Variants in ZNF804B observed in about 807,000 individuals in gnomAD.
ZNF804B encodes the protein zinc finger 804B.
Under a neutral mutation model 101.4 loss-of-function variants are expected in ZNF804B, and 80 were observed. The ratio of observed to expected loss-of-function variants is 0.79; its 90% CI spans 0.66 to 0.95. The LOEUF (loss-of-function observed/expected upper bound fraction) is 0.95. ZNF804B is among the 40% of genes least tolerant of loss of function. ZNF804B has a pLI of 0.00. For synonymous variants in ZNF804B, 622 were observed against 558.8 expected (o/e 1.11, Z -1.59); for missense variants, 1,673 against 1,561.9 (o/e 1.07, Z -1.20).
chr7:89,238,631 A>G (rs1465487508), intron 2 of ZNF804B, among the ~76,000 whole-genome samples: 1 of 152,250 alleles, frequency 6.6e-6, no homozygotes, highest in Non-Finnish European at 1.5e-5. Context: ...GAGAATCTCT[A>G]TAAACTGAAC....
chr7:88,919,035 A>G (rs1396361966), intron 1 of ZNF804B, among the ~76,000 whole-genome samples: 1 of 152,086 alleles, frequency 6.6e-6, no homozygotes, highest in East Asian at 1.9e-4. Flanking sequence ...GAGTGTTTAT[A>G]CTGCTCAGTT....
At chr7:88,879,299 G>C (rs1001931999) in intron 1 of ZNF804B, among the ~76,000 whole-genome samples, 5 of 152,100 alleles carry the variant, frequency 3.3e-5, no homozygotes, top group African/African-American at 1.2e-4. Context: ...GCCACCAAAG[G>C]GGGTAAAAAT....
intron 1 of ZNF804B, among the ~76,000 whole-genome samples, chr7:88,834,777 C>A (rs1382354988): frequency 6.6e-6 from 1 of 151,534 alleles, no homozygotes; most frequent in Non-Finnish European, 1.5e-5. Flanking sequence ...TTTCGCCATT[C>A]AATCTCCTTG....
At chr7:89,264,966 T>C (rs1208542357) in intron 2 of ZNF804B, among the ~76,000 whole-genome samples, 3 of 152,238 alleles carry the variant, frequency 2.0e-5, no homozygotes, top group Non-Finnish European at 4.4e-5. Context: ...GAAGTCCTTT[T>C]TGTGTTCTCT....
chr7:88,819,947 C>T (rs1195344057), intron 1 of ZNF804B, among the ~76,000 whole-genome samples: 1 of 152,110 alleles, frequency 6.6e-6, no homozygotes, highest in Non-Finnish European at 1.5e-5. Context: ...TGTGAAGCTT[C>T]TTAAGGGTAA....
chr7:89,075,382 C>T (rs554690526), intron 1 of ZNF804B, among the ~76,000 whole-genome samples: 1 of 152,256 alleles, frequency 6.6e-6, no homozygotes, highest in Non-Finnish European at 1.5e-5. Context: ...CCAGCCACTC[C>T]AGCCATGACT....
At chr7:89,240,088 G>C (rs549825906) in intron 2 of ZNF804B, among the ~76,000 whole-genome samples, 2 of 151,692 alleles carry the variant, frequency 1.3e-5, no homozygotes, top group Admixed American at 1.3e-4. Flanking sequence ...TTGATTTCTA[G>C]TTACTACTAG....
chr7:89,267,039 G>A (rs912047027), intron 2 of ZNF804B, among the ~76,000 whole-genome samples: 1 of 152,014 alleles, frequency 6.6e-6, no homozygotes, highest in Non-Finnish European at 1.5e-5. Context: ...GAGAATTGAG[G>A]AGTTCACTGT....
At chr7:89,105,430 T>A (rs1193925456) in intron 1 of ZNF804B, among the ~76,000 whole-genome samples, 2 of 152,098 alleles carry the variant, frequency 1.3e-5, no homozygotes, top group Non-Finnish European at 2.9e-5. Flanking sequence ...TGTTGTTTCA[T>A]ACCATGGGTG....
chr7:88,981,521 C>T (rs1793694831), intron 1 of ZNF804B, among the ~76,000 whole-genome samples: 1 of 152,060 alleles, frequency 6.6e-6, no homozygotes, highest in South Asian at 2.1e-4. Flanking sequence ...CACTGGGTTG[C>T]ATGTACTCCA....
intron 1 of ZNF804B, among the ~76,000 whole-genome samples, chr7:89,184,890 G>A (rs1788353857): frequency 6.6e-6 from 1 of 152,050 alleles, no homozygotes; most frequent in African/African-American, 2.4e-5. Flanking sequence ...CAGAATATTT[G>A]ACTGTTCCAG....
At chr7:89,158,652 A>G (rs1791013630) in intron 1 of ZNF804B, among the ~76,000 whole-genome samples, 1 of 152,068 alleles carries the variant, frequency 6.6e-6, no homozygotes, top group African/African-American at 2.4e-5. Context: ...TATAGTTTAT[A>G]CTCATTAAAG....
intron 1 of ZNF804B, among the ~76,000 whole-genome samples, chr7:88,861,711 T>C (rs1001242975): frequency 2.6e-4 from 39 of 152,300 alleles, no homozygotes; most frequent in African/African-American, 9.1e-4. Context: ...CAGTGTACAA[T>C]TTACAGTTTC....
At chr7:89,138,686 T>G (rs1187840040) in intron 1 of ZNF804B, among the ~76,000 whole-genome samples, 3 of 152,048 alleles carry the variant, frequency 2.0e-5, no homozygotes. Context: ...CCACATGTTG[T>G]GGGAGGTACT....
At chr7:89,030,937 G>A (rs1412246906) in intron 1 of ZNF804B, among the ~76,000 whole-genome samples, 1 of 151,716 alleles carries the variant, frequency 6.6e-6, no homozygotes, top group Non-Finnish European at 1.5e-5. Flanking sequence ...AGCTTTTCTT[G>A]GAATGCCCTT....
At chr7:89,171,582 G>A (rs1398514370) in intron 1 of ZNF804B, among the ~76,000 whole-genome samples, 2 of 151,676 alleles carry the variant, frequency 1.3e-5, no homozygotes, top group Non-Finnish European at 2.9e-5. Context: ...CTACAACCTT[G>A]TGCCACCACA....
At chr7:89,305,871 C>G (rs1790554503) in intron 2 of ZNF804B, among the ~76,000 whole-genome samples, 1 of 151,684 alleles carries the variant, frequency 6.6e-6, no homozygotes, top group Non-Finnish European at 1.5e-5. Flanking sequence ...AAGATGTGTA[C>G]TTTTTATGGT....
At chr7:88,915,649 AATT>A (rs1409699544) in intron 1 of ZNF804B, among the ~76,000 whole-genome samples, 17 of 151,964 alleles carry the variant, frequency 1.1e-4, no homozygotes, top group African/African-American at 4.1e-4. Flanking sequence ...ATAGACACTA[AATT>A]ATTTTCAATA....
chr7:89,062,533 T>C (rs1475594304), intron 1 of ZNF804B, among the ~76,000 whole-genome samples: 1 of 152,192 alleles, frequency 6.6e-6, no homozygotes, highest in Admixed American at 6.6e-5. Context: ...TTTCTCATTT[T>C]GACTATTAGC....
Sources: allele counts gnomAD v4.1 joint callset (sites outside exome capture counted in the v4.1 genomes callset), GRCh38; gene constraint gnomAD v4.1.1; transcripts MANE v1.5; gene names NCBI Gene and HGNC (gene_info 2026-07-23, HGNC 2026-07-21).